GRIA4: variants seen among roughly 807,000 people sequenced by gnomAD.
The protein encoded by GRIA4 is glutamate ionotropic receptor AMPA type subunit 4, also known as glutamate receptor 4.
GRIA4 carries 34 observed loss-of-function variants against 104.0 expected under a neutral mutation model. The ratio of observed to expected loss-of-function variants is 0.33; its 90% confidence interval spans 0.25 to 0.44. GRIA4 has a LOEUF of 0.44. Among genes scored for constraint, GRIA4 ranks in the 20% least tolerant of loss-of-function variants. The pLI is 1.00. For synonymous variants in GRIA4, 386 were observed against 381.9 expected (o/e 1.01, Z -0.13); for missense variants, 750 against 1,096.5 (o/e 0.68, Z 4.46).
intron 4 of GRIA4, among the ~76,000 whole-genome samples, chr11:105,762,126 C>T (rs1591210727): frequency 1.3e-5 from 2 of 151,746 alleles, no homozygotes; most frequent in Non-Finnish European, 2.9e-5. Flanking sequence ...CAGCTTTAAG[C>T]GATTCTCATG....
In GRIA4 at chr11:105,817,746, C is replaced by G. The variant is rs138939633; in HGVS notation, c.488-44278C>G. Among the ~76,000 whole-genome samples, 372 of 152,170 alleles carry G rather than the reference C, an allele frequency of 2.4e-3. 3 individuals carry two copies. The highest frequency in any genetic ancestry group is 8.4e-3 in the African/African-American group (349 of 41,514). ...ATATATAGAGAGTATTTCTTGCCTACTTGTGCCTTCTAATTAATCTTACAT... is the reference window on the plus strand; with the variant it reads ...ATATATAGAGAGTATTTCTTGCCTAGTTGTGCCTTCTAATTAATCTTACAT... On this transcript the variant is annotated intron_variant, in intron 4 of 16. Transcript: ENST00000282499.
intron 3 of GRIA4, among the ~76,000 whole-genome samples, chr11:105,681,909 G>A (rs934087204): frequency 6.6e-6 from 1 of 152,004 alleles, no homozygotes; most frequent in Non-Finnish European, 1.5e-5. Flanking sequence ...AAGCATGGTC[G>A]TGGGCGCCTG....
intron 9 of GRIA4, 76 bp downstream of exon 9, chr11:105,905,377 G>T (rs1210372750): frequency 6.4e-6 from 5 of 779,266 alleles, no homozygotes; most frequent in Non-Finnish European, 6.6e-6. Flanking sequence ...GTGTACAGAA[G>T]AAAGATGGCT....
intron 3 of GRIA4, among the ~76,000 whole-genome samples, chr11:105,640,319 T>C (rs1192256079): frequency 6.6e-6 from 1 of 151,940 alleles, no homozygotes; most frequent in African/African-American, 2.4e-5. Flanking sequence ...ATTTACACTT[T>C]TGTGTTTATT....
At chr11:105,618,201 A>G (rs1950649113) in intron 3 of GRIA4, among the ~76,000 whole-genome samples, 1 of 151,862 alleles carries the variant, frequency 6.6e-6, no homozygotes, top group Non-Finnish European at 1.5e-5. Flanking sequence ...TTATGTAGCT[A>G]TGGTCAGGAC....
chr11:105,871,894 T>G (rs1184233575), intron 5 of GRIA4, among the ~76,000 whole-genome samples: 2 of 152,050 alleles, frequency 1.3e-5, no homozygotes, highest in Non-Finnish European at 2.9e-5. Context: ...GTCATTTTTG[T>G]GGGTATAGAT....
intron 5 of GRIA4, among the ~76,000 whole-genome samples, chr11:105,872,495 T>A (rs2136053246): frequency 6.6e-6 from 1 of 152,224 alleles, no homozygotes; most frequent in African/African-American, 2.4e-5. Context: ...CTTCACCAGG[T>A]GCTTATGAAT....
chr11:105,804,354 G>GCA (rs35265620), intron 4 of GRIA4, among the ~76,000 whole-genome samples: 74,754 of 147,818 alleles, frequency 0.51, 18,560 homozygotes, highest in Middle Eastern at 0.62. Flanking sequence ...AAACACACAT[G>GCA]CACACACACA....
chr11:105,950,356 T>A (rs191398898), intron 14 of GRIA4, among the ~76,000 whole-genome samples: 26 of 152,124 alleles, frequency 1.7e-4, no homozygotes, highest in African/African-American at 5.3e-4. Flanking sequence ...GGAAGGGAAA[T>A]GAAAATTCAA....
At chr11:105,811,471 C>T (rs1943169788) in intron 4 of GRIA4, among the ~76,000 whole-genome samples, 1 of 152,060 alleles carries the variant, frequency 6.6e-6, no homozygotes, top group South Asian at 2.1e-4. Flanking sequence ...TTCGAGGTCC[C>T]ATCCTGTCAG....
At chr11:105,665,510 A>T (rs1198071092) in intron 3 of GRIA4, among the ~76,000 whole-genome samples, 1 of 152,022 alleles carries the variant, frequency 6.6e-6, no homozygotes, top group Non-Finnish European at 1.5e-5. Context: ...GTGCAGGACC[A>T]GAGAGGATAC....
intron 4 of GRIA4, among the ~76,000 whole-genome samples, chr11:105,842,101 G>C (rs1442614491): frequency 6.6e-6 from 1 of 152,110 alleles, no homozygotes; most frequent in African/African-American, 2.4e-5. Context: ...GTTTTCTGGG[G>C]AAAAGCATTC....
intron 3 of GRIA4, among the ~76,000 whole-genome samples, chr11:105,700,834 C>T (rs1366809945): frequency 6.6e-6 from 1 of 152,156 alleles, no homozygotes; most frequent in Non-Finnish European, 1.5e-5. Flanking sequence ...TTGTTCCTCT[C>T]CAGTGTATTC....
chr11:105,755,249 C>CAA (rs548481658), intron 4 of GRIA4, among the ~76,000 whole-genome samples: 1 of 151,050 alleles, frequency 6.6e-6, no homozygotes, highest in African/African-American at 2.4e-5. Flanking sequence ...AATCCTCTTG[C>CAA]AAAAAAAATG....
intron 13 of GRIA4, among the ~76,000 whole-genome samples, chr11:105,929,766 A>T (rs1005512301): frequency 6.6e-5 from 10 of 152,164 alleles, no homozygotes; most frequent in Admixed American, 2.0e-4. Context: ...GTAAACATTA[A>T]CTATAACACA....
intron 13 of GRIA4, among the ~76,000 whole-genome samples, chr11:105,931,320 A>G (rs971910473): frequency 2.0e-5 from 3 of 151,928 alleles, no homozygotes; most frequent in Admixed American, 1.3e-4. Flanking sequence ...TCATATCATG[A>G]GATATTTTTT....
intron 12 of GRIA4, among the ~76,000 whole-genome samples, chr11:105,926,338 T>C (rs979681796): frequency 1.3e-5 from 2 of 152,154 alleles, no homozygotes; most frequent in African/African-American, 4.8e-5. Context: ...GAAACAATGC[T>C]GCCAATTAAA....
At chr11:105,972,081 G>A in intron 15 of GRIA4, 53 bp downstream of exon 15, 3 of 1,072,142 alleles carry the variant, frequency 2.8e-6, no homozygotes, top group Non-Finnish European at 2.9e-6. Context: ...CAGTAAACGG[G>A]AGCAATTGTC....
At chr11:105,687,396 G>A (rs1286892325) in intron 3 of GRIA4, among the ~76,000 whole-genome samples, 1 of 152,114 alleles carries the variant, frequency 6.6e-6, no homozygotes, top group Non-Finnish European at 1.5e-5. Flanking sequence ...AGATTCTACT[G>A]CAGTTATGCT....
Sources: gnomAD v4.1 joint callset for allele counts (sites outside exome capture counted in the v4.1 genomes callset) on GRCh38, gnomAD v4.1.1 for gene constraint, MANE v1.5 for transcripts, NCBI Gene and HGNC (gene_info 2026-07-23, HGNC 2026-07-21) for gene names.